The following ITIH1 variants were observed in gnomAD, a reference collection of about 807,000 sequenced individuals.
ITIH1 encodes the protein inter-alpha-trypsin inhibitor heavy chain 1, also known as inter-alpha-trypsin inhibitor heavy chain H1.
In ITIH1, 94 loss-of-function variants were observed where a neutral mutation model predicts 104.6. That is an observed-to-expected ratio of 0.90 (90% CI 0.76 to 1.07). The LOEUF (loss-of-function observed/expected upper bound fraction) is 1.07. Ranked by LOEUF, ITIH1 falls within the 50% of genes least tolerant of loss-of-function variation. ITIH1 has a pLI of 0.00. For synonymous variants in ITIH1, 455 were observed against 464.4 expected (o/e 0.98, Z 0.26); for missense variants, 1,193 against 1,181.4 (o/e 1.01, Z -0.14).
Position 52,791,951 on chromosome 3 carries a change from G to A in ITIH1, c.*40G>A. 6.3e-7 allele frequency: 1 copy of A among 1,583,068 alleles called. No homozygotes were observed. Among genetic ancestry groups the A allele is most frequent in the Non-Finnish European group, 8.6e-7 (1 of 1,162,314 alleles). On this transcript the variant is annotated 3_prime_UTR_variant, in exon 22 of 22. Coordinates refer to ENST00000273283, the MANE Select transcript of ITIH1 (RefSeq NM_002215.4). ...ACGCCTGTCCTCCCCCGGGGCCAAG[G>A]CAGAGGAGGAGGACGACATCCTGAC...
At chr3:52,789,434 A>G (rs528848931) in intron 18 of ITIH1, among the ~76,000 whole-genome samples, 9 of 152,186 alleles carry the variant, frequency 5.9e-5, no homozygotes, top group Admixed American at 4.6e-4. Flanking sequence ...CCCAGAACTG[A>G]GAGCTGAGTA....
At position 52,779,367 on chromosome 3, in the gene ITIH1, G is replaced by A. The variant is rs1173367681; in HGVS notation, c.411-65G>A. On this transcript the variant is annotated intron_variant, in intron 4 of 21. Coordinates refer to ENST00000273283, the MANE Select transcript of ITIH1 (RefSeq NM_002215.4). This position sits in a 1 kb window ranked among gnomAD's most constrained non-coding sequence, Gnocchi z 4.4. ...ATAAATTCTGTGGGCCACATGTTAG[G>A]TGACAAGGACCCAAATGTCATTTAC... 1.3e-6 allele frequency: 2 copies of A among 1,523,308 alleles called. No homozygotes were observed. The highest frequency in any genetic ancestry group is 1.7e-5 in the Admixed American group (1 of 59,782). 94.4% of individuals were successfully genotyped at this position (1,523,308 alleles called of 1,614,324 possible).
rs2154108304 is a variant in ITIH1 at position 52,781,838 on chromosome 3, A to C, written c.688-102A>C. On this transcript the variant is annotated intron_variant, in intron 6 of 21. Coordinates refer to ENST00000273283, the MANE Select transcript of ITIH1 (RefSeq NM_002215.4). ...CCGAACTCGTTTCTCTGTCCGTGCA[A>C]ACACACACACACACACACGCATGCC... is the stretch of plus-strand genomic sequence containing the variant. 3.4e-5 allele frequency: 47 copies of C among 1,373,572 alleles called. 1 individual carries two copies. In the South Asian group the frequency reaches 5.8e-4, roughly 17 times the overall value. The allele number at this position is 1,373,572 out of a possible 1,614,324, so 85.1% of individuals were successfully genotyped here.
chr3:52,780,412 G>C (rs768783355), intron 6 of ITIH1, 30 bp downstream of exon 6: 4 of 1,520,228 alleles, frequency 2.6e-6, no homozygotes. Flanking sequence ...GGTGGTGGTG[G>C]GCCCTTTGGA....
At chr3:52,786,160 C>A in intron 12 of ITIH1, 135 bp from the exon 13 acceptor site, 1 of 853,446 alleles carries the variant, frequency 1.2e-6, no homozygotes, top group Non-Finnish European at 1.8e-6. Flanking sequence ...ATGAGGCGAA[C>A]AGGCTCAGGG....
chr3:52,789,939 T>C, intron 19 of ITIH1, 85 bp downstream of exon 19: 1 of 1,382,340 alleles, frequency 7.2e-7, no homozygotes, highest in Non-Finnish European at 1.0e-6. Context: ...CCCTCGTCCC[T>C]GAGCCATGTC....
Position 52,779,477 on chromosome 3 carries a change from C to G in ITIH1, c.456C>G (p.Val152=). 6.2e-7 allele frequency: 1 copy of G among 1,614,246 alleles called. No homozygotes were observed. The highest frequency in any genetic ancestry group is 8.5e-7 in the Non-Finnish European group (1 of 1,180,052). Residue 152 remains valine, a synonymous_variant, in exon 5 of 22, where the codon GTC becomes GTG. Coordinates refer to ENST00000273283, the MANE Select transcript of ITIH1 (RefSeq NM_002215.4). The surrounding 1 kb of genome is among the most constrained non-coding windows in gnomAD (Gnocchi z 4.4). ...AGCAATTCACCATCCACCTCACCGT[C>G]AATCCCCAGAGCAAGGTCACGTTTC... is the stretch of plus-strand genomic sequence containing the variant. ...TMEQFTIHLT[V]NPQSKVTFQL...
At position 52,791,982 on chromosome 3, in the gene ITIH1, G is replaced by T. The variant is rs1264398398; in HGVS notation, c.*71G>T. On this transcript the variant is annotated 3_prime_UTR_variant, in exon 22 of 22. Transcript: ENST00000273283. ...GAGGAGGACGACATCCTGACCTGCT[G>T]CTGAGGCTGTACCTCCTTGACTAAG... The T allele has an allele frequency of 6.6e-7, 1 of 1,514,656 alleles. No homozygotes were observed. The highest frequency in any genetic ancestry group is 2.3e-5 in the East Asian group (1 of 43,804). 93.8% of individuals were successfully genotyped at this position (1,514,656 alleles called of 1,614,324 possible).
At position 52,790,847 on chromosome 3, in the gene ITIH1, C is replaced by G; in HGVS notation, c.2420C>G (p.Ser807Trp). Reference protein sequence around the residue: ...VVLHRVWKGSSVHQDFLGFYV... With the variant: ...VVLHRVWKGSWVHQDFLGFYV... ...TTGCACCGAGTGTGGAAGGGGAGCT[C>G]GGTCCACCAGGACTTCCTGGGCTTC... is the stretch of plus-strand genomic sequence containing the variant. The change falls in exon 20 of 22, where the codon TCG (serine) becomes TGG (tryptophan). Residue 807 changes from serine to tryptophan, a missense_variant. Coordinates refer to ENST00000273283, the MANE Select transcript of ITIH1 (RefSeq NM_002215.4). 1 of 1,612,890 alleles carries G rather than the reference C, an allele frequency of 6.2e-7. No homozygotes were observed. The highest frequency in any genetic ancestry group is 8.5e-7 in the Non-Finnish European group (1 of 1,179,504).
chr3:52,786,851 TGAA>T, intron 13 of ITIH1, 91 bp from the exon 14 acceptor site: 1 of 1,356,390 alleles, frequency 7.4e-7, no homozygotes, highest in East Asian at 2.3e-5. Flanking sequence ...AATGAATGAA[TGAA>T]TGAATGAATG....
intron 13 of ITIH1, among the ~76,000 whole-genome samples, chr3:52,786,694 C>T (rs1310705266): frequency 6.6e-6 from 1 of 152,258 alleles, no homozygotes; most frequent in African/African-American, 2.4e-5. Flanking sequence ...GATCTCACAG[C>T]TGTTAACGTC....
In ITIH1 at chr3:52,790,721, C is replaced by T. The variant is rs1286959356; in HGVS notation, c.2322-28C>T. The T allele has an allele frequency of 1.1e-5, 18 of 1,606,406 alleles. No homozygotes were observed. The Admixed American group carries it at 3.1e-4, about 28-fold the overall frequency. On this transcript the variant is annotated intron_variant, in intron 19 of 21. Transcript: ENST00000273283. The stretch of plus-strand genomic sequence containing the variant: ...GGAGAGGGATGCAGTGCAGCCGCAC[C>T]TGCCCTCTCGGCCACCTGGCTCTGC...
rs200827836 is a variant in ITIH1 at position 52,790,828 on chromosome 3, C to G, written c.2401C>G (p.Arg801Gly). 6.2e-7 allele frequency: 1 copy of G among 1,612,742 alleles called. No homozygotes were observed. The highest frequency in any genetic ancestry group is 1.3e-5 in the African/African-American group (1 of 74,940). The change falls in exon 20 of 22, where the codon CGA (arginine) becomes GGA (glycine). Residue 801 changes from arginine to glycine, a missense_variant. Transcript: ENST00000273283. ...TGGCACCTTTGAGGTTGTTTTGCAC[C>G]GAGTGTGGAAGGGGAGCTCGGTCCA... is the stretch of plus-strand genomic sequence containing the variant. Reference protein sequence around the residue: ...DGGTFEVVLHRVWKGSSVHQD... With the variant: ...DGGTFEVVLHGVWKGSSVHQD...
intron 11 of ITIH1, among the ~76,000 whole-genome samples, 187 bp downstream of exon 11, chr3:52,784,664 C>T (rs1048414656): frequency 2.6e-5 from 4 of 152,126 alleles, no homozygotes; most frequent in South Asian, 4.1e-4. Context: ...GTGGGTGGAT[C>T]GGGAGTTCGA....
rs1483525755 is a variant in ITIH1 at position 52,788,292 on chromosome 3, A to G, written c.2066A>G (p.Asn689Ser). 4.3e-6 allele frequency: 7 copies of G among 1,611,890 alleles called. No individual in the cohort carries two copies. The highest frequency in any genetic ancestry group is 1.1e-5 in the South Asian group (1 of 90,336). ...CAGAAAGAGGACACCCTGTGCTTCA[A>G]CATCAATGAGGAGCCTGGTGTTATC... Reference protein sequence around the residue: ...VPQKEDTLCFNINEEPGVILS... With the variant: ...VPQKEDTLCFSINEEPGVILS... Residue 689 changes from asparagine to serine, a missense_variant, in exon 18 of 22, where the codon AAC becomes AGC. Coordinates refer to ENST00000273283, the MANE Select transcript of ITIH1 (RefSeq NM_002215.4).
rs750318294 is a variant in ITIH1, at chr3:52,786,421, C to T, written c.1720C>T (p.Leu574=). 1 of 1,584,514 alleles carries T rather than the reference C, an allele frequency of 6.3e-7. No homozygotes were observed. ...CTGGGCCTACCTCACCATCCAGGAG[C>T]TGCTGGCCAAGCGGTAGGGCACCTG... ...RLWAYLTIQE[L]LAKRMKVDRE... Residue 574 remains leucine, a synonymous_variant, in exon 13 of 22, where the codon CTG becomes TTG. Transcript: ENST00000273283.
chr3:52,788,105 G>T (rs753433438), intron 17 of ITIH1, 39 bp downstream of exon 17: 1 of 1,558,414 alleles, frequency 6.4e-7, no homozygotes, highest in Non-Finnish European at 8.8e-7. Context: ...CCCCTGTTTG[G>T]GACCCACCCT....
chr3:52,778,577 A>G (rs1346483220), intron 3 of ITIH1, 71 bp downstream of exon 3: 4 of 1,596,482 alleles, frequency 2.5e-6, no homozygotes, highest in Non-Finnish European at 3.4e-6. Flanking sequence ...AAGAACAAGG[A>G]TCGGAGTGGC....
In ITIH1 at chr3:52,787,107, C is replaced by G; in HGVS notation, c.1888+8C>G. On this transcript the variant is annotated splice_region_variant and intron_variant, in intron 14 of 21. Transcript: ENST00000273283. ...TCGACAAGCCCTCAGAGGGTATAGG[C>G]TGCAGGGGTCTACAGAAGGGAGAGG... 1.2e-6 allele frequency: 2 copies of G among 1,614,204 alleles called. No homozygotes were observed. Among genetic ancestry groups the G allele is most frequent in the East Asian group, 2.2e-5 (1 of 44,886 alleles).
Sources: allele counts gnomAD v4.1 joint callset (sites outside exome capture counted in the v4.1 genomes callset), GRCh38; gene constraint gnomAD v4.1.1; non-coding constraint Gnocchi (gnomAD v3.1); transcripts MANE v1.5; gene names NCBI Gene and HGNC (gene_info 2026-07-23, HGNC 2026-07-21).